RPS7: variants seen among roughly 807,000 people sequenced by gnomAD.
RPS7 encodes the protein small ribosomal subunit protein eS7.
A neutral mutation model predicts 22.1 loss-of-function variants in RPS7; 1 was observed. The observed-to-expected ratio is 0.05, with a 90% CI of 0.02 to 0.21. The LOEUF (loss-of-function observed/expected upper bound fraction) is 0.21. RPS7 is among the 10% of genes least tolerant of loss of function. The pLI, the probability that RPS7 is intolerant of heterozygous loss-of-function variation, is 1.00. For synonymous variants in RPS7, 80 were observed against 92.0 expected, an observed-to-expected ratio of 0.87 and a Z score of 0.74; for missense variants, 137 against 246.4, an observed-to-expected ratio of 0.56 and a Z score of 2.97.
intron 6 of RPS7, 31 bp from the exon 7 acceptor site, chr2:3,580,774 G>A: frequency 7.2e-7 from 1 of 1,380,776 alleles, no homozygotes; most frequent in South Asian, 1.2e-5. Flanking sequence ...GTATTTCAAA[G>A]TTCTGTGATG....
intron 3 of RPS7, 88 bp downstream of exon 3, chr2:3,575,976 A>G (rs1365009670): frequency 2.1e-6 from 2 of 975,240 alleles, no homozygotes; most frequent in Non-Finnish European, 3.2e-6. Context: ...GTTACGGTTG[A>G]TGATGACTTG....
At chr2:3,577,976 A>G (rs2147820996) in intron 5 of RPS7, 1 of 592,278 alleles carries the variant, frequency 1.7e-6, no homozygotes, top group Non-Finnish European at 3.0e-6. Flanking sequence ...TTGTTTGCCT[A>G]CTAGGTCAGT....
intron 3 of RPS7, chr2:3,576,156 CCTTA>C (rs1661274511): frequency 3.4e-6 from 2 of 596,256 alleles, no homozygotes; most frequent in South Asian, 2.0e-5. Flanking sequence ...CCTTATTTGC[CCTTA>C]CTTAGTTATA....
intron 1 of RPS7, 72 bp downstream of exon 1, chr2:3,575,422 C>G: frequency 3.3e-6 from 2 of 610,602 alleles, no homozygotes; most frequent in Non-Finnish European, 5.8e-6. Flanking sequence ...GGAGTCAGGC[C>G]CTGGAGGGGC....
At chr2:3,580,467 A>G (rs563653055) in intron 6 of RPS7, 2 of 670,830 alleles carry the variant, frequency 3.0e-6, no homozygotes. Context: ...AATTCTCTGT[A>G]CCTTTTGGAA....
At chr2:3,576,396 G>A (rs561698262) in intron 3 of RPS7, 91 bp from the exon 4 acceptor site, 1 of 1,090,282 alleles carries the variant, frequency 9.2e-7, no homozygotes, top group Admixed American at 1.7e-5. Flanking sequence ...CAGCTACGGT[G>A]TTAGTGATAA....
At position 3,580,904 on chromosome 2, in the gene RPS7, G is replaced by A; in HGVS notation, c.*22G>A. 1 of 1,311,796 alleles carries A rather than the reference G, an allele frequency of 7.6e-7. No individual in the cohort carries two copies. The highest frequency in any genetic ancestry group is 1.1e-6 in the Non-Finnish European group (1 of 913,444). The allele number at this position is 1,311,796 out of a possible 1,614,324, so 81.3% of individuals were successfully genotyped here. On this transcript the variant is annotated 3_prime_UTR_variant, in exon 7 of 7. Transcript: ENST00000645674. ...GTAAACAAAAATGACTAAATAAAAAGTATATATTCACAGTACTCTGTTTCA... is the reference window on the plus strand; with the variant it reads ...GTAAACAAAAATGACTAAATAAAAAATATATATTCACAGTACTCTGTTTCA...
In RPS7 at chr2:3,575,352, T is replaced by G; in HGVS notation, c.-19+2T>G. 1 of 535,046 alleles carries G rather than the reference T, an allele frequency of 1.9e-6. No homozygotes were observed. Among genetic ancestry groups the G allele is most frequent in the Non-Finnish European group, 3.3e-6 (1 of 301,902 alleles). The allele number at this position is 535,046 out of a possible 1,614,324, so 33.1% of individuals were successfully genotyped here. A position where few individuals can be genotyped will look rare whatever the true frequency, so the allele number is the denominator to read the frequency against. On this transcript the variant is annotated splice_donor_variant, in intron 1 of 6. Transcript: ENST00000645674. LOFTEE classifies it low-confidence loss of function (5UTR_SPLICE). Reference sequence around the variant, plus strand: ...CTTCCTAAGCCGGCGCTCGGCAAGGTAGGTTGGCGGCCTGCTCTCCGACAG... The same window carrying G: ...CTTCCTAAGCCGGCGCTCGGCAAGGGAGGTTGGCGGCCTGCTCTCCGACAG...
intron 4 of RPS7, 199 bp from the exon 5 acceptor site, chr2:3,577,511 T>G: frequency 1.7e-6 from 1 of 596,794 alleles, no homozygotes; most frequent in Non-Finnish European, 3.0e-6. Context: ...CTGTGGATTC[T>G]GAATGATTTA....
intron 4 of RPS7, chr2:3,576,838 G>C (rs1030222053): frequency 5.9e-6 from 4 of 679,042 alleles, no homozygotes; most frequent in Admixed American, 4.6e-5. Context: ...GTAGAGACCA[G>C]CCTGGGCAAC....
At chr2:3,576,008 A>C in intron 3 of RPS7, 120 bp downstream of exon 3, 1 of 776,694 alleles carries the variant, frequency 1.3e-6, no homozygotes, top group Non-Finnish European at 2.2e-6. Context: ...CCTAACCTGA[A>C]CTCAGGTTCG....
intron 5 of RPS7, chr2:3,579,258 A>G (rs1661349272): frequency 6.6e-6 from 1 of 152,228 alleles, no homozygotes; most frequent in African/African-American, 2.4e-5. Context: ...TGCTTTCTGA[A>G]AGGTGATGAG....
At chr2:3,579,170 C>T (rs781020071) in intron 5 of RPS7, 8 of 152,184 alleles carry the variant, frequency 5.3e-5, no homozygotes, top group South Asian at 4.1e-4. Context: ...ATCTAATTTC[C>T]GTATTTGGGT....
intron 5 of RPS7, chr2:3,579,895 C>CT: frequency 3.3e-6 from 2 of 601,702 alleles, no homozygotes; most frequent in Non-Finnish European, 5.9e-6. Flanking sequence ...ATTGACTGAG[C>CT]TTTTGAAATA....
At position 3,576,535 on chromosome 2, in the gene RPS7, G is replaced by T. The variant is rs1389078422; in HGVS notation, c.196G>T (p.Val66Phe). 1 of 1,613,648 alleles carries T rather than the reference G, an allele frequency of 6.2e-7. No homozygotes were observed. The highest frequency in any genetic ancestry group is 8.5e-7 in the Non-Finnish European group (1 of 1,179,706). Reference protein sequence around the residue: ...GRKAIIIFVPVPQLKSFQKIQ... With the variant: ...GRKAIIIFVPFPQLKSFQKIQ... ...GAAAGCTATCATAATCTTTGTTCCC[G>T]TTCCTCAACTGAAATCTTTCCAGAA... Residue 66 changes from valine to phenylalanine, a missense_variant, in exon 4 of 7, where the codon GTT becomes TTT. Val to Phe is a conservative substitution (Grantham distance 50). Transcript: ENST00000645674.
chr2:3,578,247 G>T, intron 5 of RPS7: 1 of 159,354 alleles, frequency 6.3e-6, no homozygotes, highest in Admixed American at 6.1e-5. Context: ...TTGACTTACA[G>T]GTTATCTGGC....
In RPS7 at chr2:3,575,398, G is replaced by A. The variant is rs1661251826; in HGVS notation, c.-19+48G>A. 9.5e-5 allele frequency: 55 copies of A among 581,194 alleles called. 1 individual carries two copies. In the South Asian group the frequency reaches 1.1e-3, roughly 11 times the overall value. The allele number at this position is 581,194 out of a possible 1,614,324, so 36.0% of individuals were successfully genotyped here. Reference sequence around the variant, plus strand: ...GACAGAACTTTTCTTCTTGGGTTGAGGAAAACGCCTTTTGGAGTCAGGCCC... The same window carrying A: ...GACAGAACTTTTCTTCTTGGGTTGAAGAAAACGCCTTTTGGAGTCAGGCCC... On this transcript the variant is annotated intron_variant, in intron 1 of 6. Coordinates refer to ENST00000645674, the MANE Select transcript of RPS7 (RefSeq NM_001011.4).
At chr2:3,576,447 T>A in intron 3 of RPS7, 40 bp from the exon 4 acceptor site, 1 of 1,592,584 alleles carries the variant, frequency 6.3e-7, no homozygotes. Flanking sequence ...GTTTACTTTC[T>A]GAAGCAGTTA....
intron 6 of RPS7, 67 bp from the exon 7 acceptor site, chr2:3,580,738 A>C (rs1211639432): frequency 3.0e-6 from 3 of 1,003,086 alleles, no homozygotes; most frequent in East Asian, 2.4e-5. Context: ...CAATTTCACG[A>C]AACTATTAGG....
Sources: gnomAD v4.1 joint callset for allele counts on GRCh38, gnomAD v4.1.1 for gene constraint, MANE v1.5 for transcripts, NCBI Gene and HGNC (gene_info 2026-07-23, HGNC 2026-07-21) for gene names.